The following SPAG16 variants were observed in gnomAD, a reference collection of about 807,000 sequenced individuals.
SPAG16 encodes the protein sperm associated antigen 16.
Under a neutral mutation model 80.4 loss-of-function variants are expected in SPAG16, and 86 were observed. That is an observed-to-expected ratio of 1.07 (90% CI 0.90 to 1.28). The LOEUF is 1.28. Ranked by LOEUF, SPAG16 falls within the 50% of genes most tolerant of loss-of-function variation. The pLI is 0.00. For missense variants in SPAG16, 870 were observed against 765.3 expected (o/e 1.14, Z -1.61); for synonymous variants, 294 against 265.9 (o/e 1.11, Z -1.03).
At chr2:214,105,168 G>A (rs928162090) in intron 13 of SPAG16, among the ~76,000 whole-genome samples, 3 of 152,120 alleles carry the variant, frequency 2.0e-5, no homozygotes, top group African/African-American at 7.2e-5. Context: ...GCGGGGCAGA[G>A]CCATGCGGAG....
intron 13 of SPAG16, among the ~76,000 whole-genome samples, chr2:214,054,628 C>T (rs1226873114): frequency 1.3e-5 from 2 of 151,922 alleles, no homozygotes; most frequent in African/African-American, 4.8e-5. Flanking sequence ...ATTTTTTTTG[C>T]TGAACATAGC....
intron 2 of SPAG16, among the ~76,000 whole-genome samples, chr2:213,296,337 C>T (rs1350817267): frequency 6.6e-6 from 1 of 152,080 alleles, no homozygotes. Flanking sequence ...TCCTGTTAAT[C>T]GTCCTTCAGG....
At chr2:214,332,861 A>G (rs2126014971) in intron 15 of SPAG16, among the ~76,000 whole-genome samples, 1 of 152,276 alleles carries the variant, frequency 6.6e-6, no homozygotes, top group Non-Finnish European at 1.5e-5. Flanking sequence ...GCTGAAAATG[A>G]TCACTAGATA....
chr2:213,643,188 A>G (rs2062669363), intron 10 of SPAG16, among the ~76,000 whole-genome samples: 1 of 150,482 alleles, frequency 6.6e-6, no homozygotes, highest in African/African-American at 2.4e-5. Flanking sequence ...TCTATGTTTA[A>G]AGAGTATTTT....
chr2:213,441,930 TC>T (rs1169219263), intron 9 of SPAG16, among the ~76,000 whole-genome samples: 3 of 152,300 alleles, frequency 2.0e-5, no homozygotes, highest in Admixed American at 2.0e-4. Flanking sequence ...GTGGATCACT[TC>T]AAGTCAAGAG....
intron 10 of SPAG16, among the ~76,000 whole-genome samples, chr2:213,776,987 AAAAG>A (rs2069629715): frequency 6.6e-6 from 1 of 152,108 alleles, no homozygotes; most frequent in African/African-American, 2.4e-5. Context: ...TAAGATTAAA[AAAAG>A]AAACAAAAGT....
chr2:214,283,149 A>T (rs1007820153), intron 15 of SPAG16, among the ~76,000 whole-genome samples: 4 of 152,128 alleles, frequency 2.6e-5, no homozygotes, highest in Non-Finnish European at 4.4e-5. Flanking sequence ...AGGGCCCACC[A>T]GTCTTCTGTC....
At chr2:214,032,512 G>T (rs1176123458) in intron 13 of SPAG16, among the ~76,000 whole-genome samples, 3 of 152,084 alleles carry the variant, frequency 2.0e-5, no homozygotes, top group South Asian at 2.1e-4. Flanking sequence ...ACAATTGCCT[G>T]TATGAATAAC....
intron 10 of SPAG16, among the ~76,000 whole-genome samples, chr2:213,807,815 A>G (rs961191998): frequency 6.6e-6 from 1 of 152,220 alleles, no homozygotes; most frequent in African/African-American, 2.4e-5. Flanking sequence ...GTTAATTCAT[A>G]ATGCATTAAT....
chr2:213,312,439 A>T (rs2063229910), intron 4 of SPAG16, among the ~76,000 whole-genome samples: 1 of 151,744 alleles, frequency 6.6e-6, no homozygotes, highest in Non-Finnish European at 1.5e-5. Context: ...CTGTCTTCCT[A>T]CACTGACTGT....
chr2:213,489,810 A>G (rs1251399655), intron 9 of SPAG16, among the ~76,000 whole-genome samples, 153 bp from the exon 10 acceptor site: 1 of 151,464 alleles, frequency 6.6e-6, no homozygotes, highest in Non-Finnish European at 1.5e-5. Flanking sequence ...CTTTTTAAAT[A>G]TTTTCTCAAA....
intron 10 of SPAG16, among the ~76,000 whole-genome samples, chr2:213,787,389 T>G (rs1251505717): frequency 6.6e-6 from 1 of 152,296 alleles, no homozygotes; most frequent in African/African-American, 2.4e-5. Flanking sequence ...ACTGAATTTT[T>G]ACCTTATTCT....
intron 12 of SPAG16, among the ~76,000 whole-genome samples, chr2:214,011,432 A>T (rs2047277073): frequency 6.6e-6 from 1 of 151,182 alleles, no homozygotes; most frequent in South Asian, 2.1e-4. Context: ...ATATATTGGT[A>T]TACTTCTTGG....
chr2:213,312,721 A>C (rs577005191), intron 4 of SPAG16, among the ~76,000 whole-genome samples: 1 of 151,896 alleles, frequency 6.6e-6, no homozygotes, highest in East Asian at 1.9e-4. Context: ...TTTAATTACT[A>C]ATTTAATTTT....
At chr2:213,820,590 T>C (rs1212704725) in intron 10 of SPAG16, among the ~76,000 whole-genome samples, 2 of 152,128 alleles carry the variant, frequency 1.3e-5, no homozygotes, top group Non-Finnish European at 2.9e-5. Flanking sequence ...AACATCATAT[T>C]ATTTAAATTA....
At chr2:214,341,893 A>C (rs1697726356) in intron 15 of SPAG16, among the ~76,000 whole-genome samples, 1 of 152,196 alleles carries the variant, frequency 6.6e-6, no homozygotes, top group South Asian at 2.1e-4. Flanking sequence ...GCAGACCTAG[A>C]GAACAAGTTC....
chr2:214,039,757 CT>C (rs1246544805), intron 13 of SPAG16, among the ~76,000 whole-genome samples: 1 of 152,156 alleles, frequency 6.6e-6, no homozygotes, highest in East Asian at 1.9e-4. Flanking sequence ...CCTTATTTTG[CT>C]TTGTTTTTGT....
chr2:214,220,374 A>C (rs910845522), intron 15 of SPAG16, among the ~76,000 whole-genome samples: 1 of 152,146 alleles, frequency 6.6e-6, no homozygotes, highest in Non-Finnish European at 1.5e-5. Flanking sequence ...CAGATAATTG[A>C]AGATTACCAA....
intron 10 of SPAG16, among the ~76,000 whole-genome samples, chr2:213,702,251 G>T (rs2065469467): frequency 6.6e-6 from 1 of 152,212 alleles, no homozygotes; most frequent in South Asian, 2.1e-4. Context: ...GGACCAATCA[G>T]CAGGATGTGG....
Sources: gnomAD v4.1 joint callset for allele counts (sites outside exome capture counted in the v4.1 genomes callset) on GRCh38, gnomAD v4.1.1 for gene constraint, MANE v1.5 for transcripts, NCBI Gene and HGNC (gene_info 2026-07-23, HGNC 2026-07-21) for gene names.